KIF16B: variants seen among roughly 807,000 people sequenced by gnomAD.
The protein encoded by KIF16B is kinesin family member 16B.
In KIF16B, 98 loss-of-function variants were observed where a neutral mutation model predicts 156.3. That is an observed-to-expected ratio of 0.63 (90% CI 0.53 to 0.74). KIF16B has a LOEUF of 0.74. Among genes scored for constraint, KIF16B ranks in the 30% least tolerant of loss-of-function variants. The probability of loss-of-function intolerance (pLI) is 0.00; values close to 1 mark genes in which losing one functional copy is unlikely to be tolerated. For synonymous variants in KIF16B, 564 were observed against 583.7 expected, an observed-to-expected ratio of 0.97 and a Z score of 0.49; for missense variants, 1,421 against 1,606.5, an observed-to-expected ratio of 0.88 and a Z score of 1.97.
chr20:16,288,083 T>G (rs1273681105), intron 25 of KIF16B, among the ~76,000 whole-genome samples: 1 of 152,196 alleles, frequency 6.6e-6, no homozygotes, highest in Non-Finnish European at 1.5e-5. Flanking sequence ...CCATTAGGAC[T>G]CAACTTCTTC....
chr20:16,406,281 C>A lies in KIF16B; in HGVS notation c.1695+93G>T, dbSNP rs2065782196. 4 of 1,083,898 alleles carry A rather than the reference C, an allele frequency of 3.7e-6. No homozygotes were observed. In the African/African-American group the frequency reaches 6.2e-5, roughly 17 times the overall value. The allele number at this position is 1,083,898 out of a possible 1,614,324, so 67.1% of individuals were successfully genotyped here. A position where few individuals can be genotyped will look rare whatever the true frequency, so the allele number is the denominator to read the frequency against. Reference sequence around the variant, plus strand: ...ACTACTTTTCCACGGTTCTGCACCCCAGAAAGTCAAAAGATTGGAACCAGA... The same window carrying A: ...ACTACTTTTCCACGGTTCTGCACCCAAGAAAGTCAAAAGATTGGAACCAGA... On this transcript the variant is annotated intron_variant, in intron 16 of 25. Coordinates refer to ENST00000354981, the MANE Select transcript of KIF16B (RefSeq NM_024704.5).
At chr20:16,439,440 C>A (rs1334370206) in intron 12 of KIF16B, among the ~76,000 whole-genome samples, 1 of 152,154 alleles carries the variant, frequency 6.6e-6, no homozygotes, top group Non-Finnish European at 1.5e-5. Context: ...GCCCACCTCT[C>A]CAACCTCATC....
intron 1 of KIF16B, among the ~76,000 whole-genome samples, chr20:16,533,135 C>A (rs1319019847): frequency 6.6e-6 from 1 of 152,132 alleles, no homozygotes; most frequent in East Asian, 1.9e-4. Flanking sequence ...TCACCACCTC[C>A]CTGAAATCCT....
At chr20:16,451,734 C>G (rs557122662) in intron 12 of KIF16B, among the ~76,000 whole-genome samples, 36 of 152,252 alleles carry the variant, frequency 2.4e-4, no homozygotes, top group African/African-American at 8.4e-4. Context: ...CCAATACACG[C>G]TAAAGATTCC....
chr20:16,281,704 T>C (rs2063148934), intron 25 of KIF16B, among the ~76,000 whole-genome samples: 1 of 152,172 alleles, frequency 6.6e-6, no homozygotes, highest in African/African-American at 2.4e-5. Context: ...TCCAGCGCAG[T>C]CACTGCACAC....
intron 22 of KIF16B, among the ~76,000 whole-genome samples, chr20:16,364,182 C>T (rs2123222678): frequency 1.3e-5 from 2 of 152,306 alleles, no homozygotes; most frequent in African/African-American, 4.8e-5. Context: ...GGGAGACACA[C>T]TGTTTTGAAA....
At position 16,567,426 on chromosome 20, in the gene KIF16B, C is replaced by G. The variant is rs534714112; in HGVS notation, c.47+5803G>C. On this transcript the variant is annotated intron_variant, in intron 1 of 25. Coordinates refer to ENST00000354981, the MANE Select transcript of KIF16B (RefSeq NM_024704.5). ...AATCCCCTAGAGGTTCCATCTCAAC[C>G]GTACACAGATTCTATTGTTATTTTT... is the stretch of plus-strand genomic sequence containing the variant. Among the ~76,000 whole-genome samples, 5 of 152,134 alleles carry G rather than the reference C, an allele frequency of 3.3e-5. No homozygotes were observed. In the East Asian group the frequency reaches 5.8e-4, roughly 18 times the overall value.
At chr20:16,351,224 G>A (rs567020423) in intron 23 of KIF16B, among the ~76,000 whole-genome samples, 11 of 152,234 alleles carry the variant, frequency 7.2e-5, no homozygotes, top group South Asian at 4.1e-4. Context: ...TTATGTTACC[G>A]TGTTGACATG....
intron 12 of KIF16B, among the ~76,000 whole-genome samples, chr20:16,465,130 T>C (rs1332332338): frequency 6.6e-6 from 1 of 152,176 alleles, no homozygotes; most frequent in African/African-American, 2.4e-5. Flanking sequence ...AGTGGATTAA[T>C]ATATACCTGA....
chr20:16,358,321 T>C (rs977400246), intron 22 of KIF16B, among the ~76,000 whole-genome samples: 2 of 152,226 alleles, frequency 1.3e-5, no homozygotes, highest in African/African-American at 2.4e-5. Flanking sequence ...TCCATTTACA[T>C]ACTTGAACCT....
chr20:16,386,505 T>C (rs2065233760), intron 17 of KIF16B, among the ~76,000 whole-genome samples: 1 of 151,848 alleles, frequency 6.6e-6, no homozygotes, highest in South Asian at 2.1e-4. Flanking sequence ...AGATGGTGAA[T>C]GTAAATACAG....
At chr20:16,539,136 T>C (rs368145897) in intron 1 of KIF16B, among the ~76,000 whole-genome samples, 2 of 151,694 alleles carry the variant, frequency 1.3e-5, no homozygotes, top group African/African-American at 2.4e-5. Context: ...ACACGAAAAA[T>C]TGGTACCAAG....
intron 20 of KIF16B, among the ~76,000 whole-genome samples, chr20:16,373,379 C>T (rs1438465859): frequency 2.6e-5 from 4 of 152,140 alleles, no homozygotes; most frequent in Non-Finnish European, 5.9e-5. Context: ...CAAGACTGTC[C>T]GATTTCAAAT....
At chr20:16,469,711 C>T (rs1401538357) in intron 12 of KIF16B, among the ~76,000 whole-genome samples, 2 of 152,138 alleles carry the variant, frequency 1.3e-5, no homozygotes, top group Non-Finnish European at 2.9e-5. Context: ...GGAACTCTTG[C>T]TCACTGCTGG....
chr20:16,526,310 G>C (rs979318084), intron 2 of KIF16B, 105 bp from the exon 3 acceptor site: 3 of 509,740 alleles, frequency 5.9e-6, no homozygotes, highest in Non-Finnish European at 1.0e-5. Context: ...ATTCCTGCTG[G>C]CTTCTCTAAA....
At chr20:16,356,192 T>C in intron 23 of KIF16B, 138 bp downstream of exon 23, 2 of 1,088,056 alleles carry the variant, frequency 1.8e-6, no homozygotes, top group South Asian at 2.8e-5. Context: ...CAGACTGGTT[T>C]AAAGAAGGGC....
chr20:16,503,878 A>G (rs1467191479), intron 10 of KIF16B, among the ~76,000 whole-genome samples: 1 of 152,200 alleles, frequency 6.6e-6, no homozygotes, highest in Non-Finnish European at 1.5e-5. Flanking sequence ...GCCCAGGGAC[A>G]GCATTTCAGC....
chr20:16,518,790 G>C (rs1055354900), intron 3 of KIF16B, among the ~76,000 whole-genome samples: 1 of 152,076 alleles, frequency 6.6e-6, no homozygotes, highest in African/African-American at 2.4e-5. Flanking sequence ...TATAGTAGTA[G>C]ACATGATATA....
rs566906890 is a variant in KIF16B, at chr20:16,471,861, T to C, written c.1302+22430A>G. Among the ~76,000 whole-genome samples the C allele has an allele frequency of 5.3e-5, 8 of 152,362 alleles. No individual in the cohort carries two copies. The East Asian group carries it at 1.5e-3, about 29-fold the overall frequency. On this transcript the variant is annotated intron_variant, in intron 12 of 25. Coordinates refer to ENST00000354981, the MANE Select transcript of KIF16B (RefSeq NM_024704.5). ...TATTCTTTTTTCCATTAAGGTTTTT[T>C]GTTAATCATATCTTCTGAAATTCTG...
Sources: gnomAD v4.1 joint callset for allele counts (sites outside exome capture counted in the v4.1 genomes callset) on GRCh38, gnomAD v4.1.1 for gene constraint, MANE v1.5 for transcripts, NCBI Gene and HGNC (gene_info 2026-07-23, HGNC 2026-07-21) for gene names.